Variants in RNF212 observed in about 807,000 individuals in gnomAD.
The protein encoded by RNF212 is probable E3 SUMO-protein ligase RNF212.
In RNF212, 33 loss-of-function variants were observed where a neutral mutation model predicts 34.7. That is an observed-to-expected ratio of 0.95 (90% CI 0.72 to 1.27). RNF212 has a LOEUF of 1.27. RNF212 is among the 50% of genes most tolerant of loss of function. RNF212 has a pLI of 0.00. For missense variants in RNF212, 377 were observed against 362.2 expected (o/e 1.04, Z -0.33); for synonymous variants, 140 against 136.1 (o/e 1.03, Z -0.20).
chr4:1,058,338 G>GTTAA, exon 4 of RNF212: 1 of 985,104 alleles, frequency 1.0e-6, no homozygotes, highest in Non-Finnish European at 1.2e-6. Context: ...GCTTTCCCAT[G>GTTAA]CTCCTCTGAC....
chr4:1,108,335 C>G lies in RNF212; in HGVS notation c.171+8G>C. On this transcript the variant is annotated splice_region_variant and intron_variant, in intron 2 of 9. Transcript: ENST00000433731. ...ATTAAGATGCAGATACGACACATTT[C>G]AACTTACATGCTTTGAAAGCAAAAC... 1.3e-6 allele frequency: 2 copies of G among 1,492,574 alleles called. No homozygotes were observed. Among genetic ancestry groups the G allele is most frequent in the Non-Finnish European group, 1.8e-6 (2 of 1,123,398 alleles). The allele number at this position is 1,492,574 out of a possible 1,614,324, so 92.5% of individuals were successfully genotyped here. A position where few individuals can be genotyped will look rare whatever the true frequency, so the allele number is the denominator to read the frequency against.
chr4:1,096,593 C>T (rs910367099), intron 3 of RNF212, 172 bp downstream of exon 3: 18 of 657,652 alleles, frequency 2.7e-5, no homozygotes, highest in African/African-American at 7.5e-5. Context: ...TCCATGGTCT[C>T]GGGATAGTGC....
At chr4:1,061,453 A>G (rs1717742972) in intron 3 of RNF212, among the ~76,000 whole-genome samples, 1 of 152,228 alleles carries the variant, frequency 6.6e-6, no homozygotes, top group Admixed American at 6.5e-5. Context: ...CAAGAGAGCC[A>G]GACAGAGGCA....
intron 1 of RNF212, among the ~76,000 whole-genome samples, chr4:1,111,530 T>C (rs1725660065): frequency 1.3e-5 from 2 of 152,140 alleles, no homozygotes; most frequent in Non-Finnish European, 2.9e-5. Context: ...TGAAACCCTG[T>C]CCAGTTCTCT....
chr4:1,109,577 G>A (rs1247791683), intron 1 of RNF212, among the ~76,000 whole-genome samples: 3 of 152,114 alleles, frequency 2.0e-5, no homozygotes, highest in Admixed American at 2.0e-4. Context: ...GGATTCCAAC[G>A]CTGCTGAGTC....
At chr4:1,111,264 C>A (rs1174510114) in intron 1 of RNF212, among the ~76,000 whole-genome samples, 1 of 151,864 alleles carries the variant, frequency 6.6e-6, no homozygotes, top group African/African-American at 2.4e-5. Context: ...GTTTCCTTCA[C>A]CTTTGGGGCT....
At position 1,088,439 on chromosome 4, in the gene RNF212, C is replaced by T. The variant is rs374146978; in HGVS notation, c.303+2343G>A. Among the ~76,000 whole-genome samples the T allele has an allele frequency of 1.1e-4, 17 of 152,276 alleles. No homozygotes were observed. In the East Asian group the frequency reaches 1.2e-3, roughly 10 times the overall value. ...TTTTTCTGAAGCATACAGTCACATA[C>T]GTGTTCACAAAGAGATGATCTAAAA... On this transcript the variant is annotated intron_variant, in intron 4 of 9. Transcript: ENST00000433731.
Position 1,095,260 on chromosome 4 carries a change from C to T in RNF212, c.246+1505G>A, listed in dbSNP as rs372901343. Among the ~76,000 whole-genome samples the T allele has an allele frequency of 1.5e-3, 153 of 102,154 alleles. 7 individuals are homozygous for T. The South Asian group carries it at 0.041, about 28-fold the overall frequency. 67.0% of individuals were successfully genotyped at this position (102,154 alleles called of 152,430 possible). A position where few individuals can be genotyped will look rare whatever the true frequency, so the allele number is the denominator to read the frequency against. ...TCGGGATAGCGCACCTGGCTCATCA[C>T]GGAACCAAGCACACCCCCCACAGCT... is the stretch of plus-strand genomic sequence containing the variant. On this transcript the variant is annotated intron_variant, in intron 3 of 9. Transcript: ENST00000433731.
chr4:1,108,449 T>G (rs1334891133), intron 1 of RNF212, 45 bp from the exon 2 acceptor site: 2 of 986,150 alleles, frequency 2.0e-6, no homozygotes, highest in African/African-American at 3.4e-5. Flanking sequence ...TGACTACTAC[T>G]TTTAAATATG....
chr4:1,076,409 CCTCT>C (rs1201211876), intron 8 of RNF212, among the ~76,000 whole-genome samples: 1 of 152,252 alleles, frequency 6.6e-6, no homozygotes, highest in Non-Finnish European at 1.5e-5. Context: ...TGTGGCCCTC[CCTCT>C]GACGAGCCTT....
At chr4:1,086,595 T>A in intron 4 of RNF212, among the ~76,000 whole-genome samples, 1 of 19,020 alleles carries the variant, frequency 5.3e-5, no homozygotes, top group Non-Finnish European at 9.4e-5. Context: ...GGCATGAGGG[T>A]GGCAGGAGAG....
intron 2 of RNF212, chr4:1,107,266 T>C (rs1724975264): frequency 6.6e-6 from 1 of 151,926 alleles, no homozygotes. Flanking sequence ...TTAGCCAGGA[T>C]GGTCTCGATC....
chr4:1,080,580 T>A (rs1403817801), intron 7 of RNF212, among the ~76,000 whole-genome samples: 2 of 152,114 alleles, frequency 1.3e-5, no homozygotes, highest in African/African-American at 4.8e-5. Context: ...CGGGACCCCG[T>A]GGAGCTTGTG....
chr4:1,064,564 C>T (rs770879474), intron 3 of RNF212, among the ~76,000 whole-genome samples: 1 of 107,528 alleles, frequency 9.3e-6, no homozygotes, highest in East Asian at 2.3e-4. Flanking sequence ...AGCCTTCTCA[C>T]TCTGTCTTCA....
chr4:1,104,858 G>A (rs1260528571), intron 2 of RNF212, among the ~76,000 whole-genome samples: 1 of 152,186 alleles, frequency 6.6e-6, no homozygotes, highest in African/African-American at 2.4e-5. Context: ...GGGCAGGACA[G>A]CTAAGAAACA....
intron 3 of RNF212, among the ~76,000 whole-genome samples, chr4:1,066,325 G>C (rs2153033836): frequency 6.6e-6 from 1 of 152,118 alleles, no homozygotes; most frequent in Non-Finnish European, 1.5e-5. Context: ...GTCATTTGCT[G>C]CCCTCCGCTT....
chr4:1,089,858 A>G (rs1199919262), intron 4 of RNF212, among the ~76,000 whole-genome samples: 1 of 152,132 alleles, frequency 6.6e-6, no homozygotes, highest in Non-Finnish European at 1.5e-5. Context: ...CCGTGACTGT[A>G]AGTTTCCTGA....
downstream of RNF212, among the ~76,000 whole-genome samples, chr4:1,070,145 T>C (rs1718358941): frequency 6.7e-6 from 1 of 149,666 alleles, no homozygotes. Flanking sequence ...GGTGGTTTCG[T>C]AGGACTGCGC....
Position 1,095,320 on chromosome 4 carries a change from A to G in RNF212, c.246+1445T>C, listed in dbSNP as rs865955932. ...CGGGATAGCGCACCTGGCTCATCAC[A>G]GAACCAAGCACACCTCCCACAGCTC... is the stretch of plus-strand genomic sequence containing the variant. On this transcript the variant is annotated intron_variant, in intron 3 of 9. Transcript: ENST00000433731. Among the ~76,000 whole-genome samples the G allele has an allele frequency of 8.7e-4, 56 of 64,174 alleles. 4 individuals carry two copies. The highest frequency in any genetic ancestry group is 2.8e-3 in the African/African-American group (33 of 11,732). The allele number at this position is 64,174 out of a possible 152,430, so 42.1% of individuals were successfully genotyped here. A position where few individuals can be genotyped will look rare whatever the true frequency, so the allele number is the denominator to read the frequency against.
Sources: allele counts gnomAD v4.1 joint callset (sites outside exome capture counted in the v4.1 genomes callset), GRCh38; gene constraint gnomAD v4.1.1; transcripts MANE v1.5; gene names NCBI Gene and HGNC (gene_info 2026-07-23, HGNC 2026-07-21).